Variants in NUBPL observed in about 807,000 individuals in gnomAD.
NUBPL encodes iron-sulfur cluster transfer protein NUBPL.
Under a neutral mutation model 45.7 loss-of-function variants are expected in NUBPL, and 31 were observed. The ratio of observed to expected loss-of-function variants is 0.68; its 90% CI spans 0.51 to 0.92. The LOEUF is 0.92. NUBPL is among the 40% of genes least tolerant of loss of function. The pLI, the probability that NUBPL is intolerant of heterozygous loss-of-function variation, is 0.00. For synonymous variants in NUBPL, 144 were observed against 140.9 expected, an observed-to-expected ratio of 1.02 and a Z score of -0.15; for missense variants, 401 against 398.7, an observed-to-expected ratio of 1.01 and a Z score of -0.05.
At chr14:31,821,244 A>G (rs1008404322) in intron 7 of NUBPL, among the ~76,000 whole-genome samples, 2 of 152,210 alleles carry the variant, frequency 1.3e-5, no homozygotes, top group Non-Finnish European at 2.9e-5. Flanking sequence ...CATCAAAGTG[A>G]AGAAACGACC....
chr14:31,698,651 C>T (rs1478948487), intron 6 of NUBPL, among the ~76,000 whole-genome samples: 5 of 152,046 alleles, frequency 3.3e-5, no homozygotes, highest in African/African-American at 4.8e-5. Context: ...GAAACCTGTC[C>T]TATAGATTCT....
intron 6 of NUBPL, among the ~76,000 whole-genome samples, chr14:31,687,507 C>T (rs773040471): frequency 2.0e-5 from 3 of 152,202 alleles, no homozygotes; most frequent in East Asian, 1.9e-4. Flanking sequence ...TGTAGTACTA[C>T]GTTATAACTG....
chr14:31,844,425 G>A (rs1338809317), intron 8 of NUBPL: 1 of 152,204 alleles, frequency 6.6e-6, no homozygotes, highest in Non-Finnish European at 1.5e-5. Context: ...CAAGCTGTGT[G>A]ACATTAAGCT....
At chr14:31,829,596 G>T (rs975365115) in intron 8 of NUBPL, among the ~76,000 whole-genome samples, 2 of 152,110 alleles carry the variant, frequency 1.3e-5, no homozygotes, top group African/African-American at 2.4e-5. Flanking sequence ...TACAAAAAAA[G>T]ATGTTATGCT....
In NUBPL at chr14:31,834,229, G is replaced by A. The variant is rs541253060; in HGVS notation, c.693+7515G>A. On this transcript the variant is annotated intron_variant, in intron 8 of 10. Transcript: ENST00000281081. ...CAGAGTCTTGCTCTGTCGCCAGGCT[G>A]GAGTGCAGTGGTGTAATCTTGGCTC... 9.8e-5 allele frequency among the ~76,000 whole-genome samples: 14 copies of A among 143,060 alleles called. No individual in the cohort carries two copies. The East Asian group carries it at 2.5e-3, about 25-fold the overall frequency. 93.9% of individuals were successfully genotyped at this position (143,060 alleles called of 152,430 possible).
At chr14:31,710,341 G>C (rs568124859) in intron 6 of NUBPL, among the ~76,000 whole-genome samples, 102 of 152,258 alleles carry the variant, frequency 6.7e-4, no homozygotes, top group African/African-American at 1.4e-3. Context: ...ACTCACCGAT[G>C]CAGCAGCAGA....
intron 6 of NUBPL, among the ~76,000 whole-genome samples, chr14:31,710,200 A>G (rs1004289375): frequency 2.6e-5 from 4 of 152,260 alleles, no homozygotes; most frequent in Admixed American, 6.5e-5. Flanking sequence ...ATGCATTTCA[A>G]GGGTGAGCCT....
chr14:31,766,992 TA>T (rs200669261), intron 6 of NUBPL, among the ~76,000 whole-genome samples: 1,725 of 147,022 alleles, frequency 0.012, 29 homozygotes, highest in East Asian at 0.056. Flanking sequence ...AATACATAAT[TA>T]AAAAAAAAAG....
chr14:31,736,416 T>C (rs1317002564), intron 6 of NUBPL, among the ~76,000 whole-genome samples: 1 of 152,200 alleles, frequency 6.6e-6, no homozygotes, highest in Non-Finnish European at 1.5e-5. Flanking sequence ...GTAACCAGTA[T>C]ATGACTTCTT....
intron 7 of NUBPL, among the ~76,000 whole-genome samples, chr14:31,790,799 C>T (rs2039367450): frequency 2.6e-5 from 4 of 151,760 alleles, no homozygotes; most frequent in Non-Finnish European, 1.5e-5. Context: ...TGCAGTGAGC[C>T]GAGATCGCGC....
chr14:31,609,069 T>C (rs1595363117), intron 4 of NUBPL, among the ~76,000 whole-genome samples: 1 of 152,044 alleles, frequency 6.6e-6, no homozygotes, highest in Non-Finnish European at 1.5e-5. Flanking sequence ...ATGGCAGGAA[T>C]AAGTCTTTAT....
intron 6 of NUBPL, among the ~76,000 whole-genome samples, chr14:31,731,822 C>G (rs1480185953): frequency 6.6e-6 from 1 of 152,106 alleles, no homozygotes; most frequent in Non-Finnish European, 1.5e-5. Context: ...CTCTGAAACT[C>G]TCAACTTGGT....
At chr14:31,590,566 A>G (rs2034116092) in intron 3 of NUBPL, among the ~76,000 whole-genome samples, 1 of 152,360 alleles carries the variant, frequency 6.6e-6, no homozygotes, top group East Asian at 1.9e-4. Flanking sequence ...TCTCAGAATT[A>G]TAAATACTCT....
chr14:31,699,171 T>A (rs2037279782), intron 6 of NUBPL, among the ~76,000 whole-genome samples: 1 of 152,198 alleles, frequency 6.6e-6, no homozygotes, highest in Non-Finnish European at 1.5e-5. Context: ...GACTTAAATA[T>A]CTTTTAAAAA....
chr14:31,602,904 C>T (rs1294071435), intron 4 of NUBPL, among the ~76,000 whole-genome samples: 1 of 152,096 alleles, frequency 6.6e-6, no homozygotes, highest in Non-Finnish European at 1.5e-5. Flanking sequence ...TCCCTAGCCT[C>T]TTTACTAGAA....
chr14:31,757,688 A>G (rs954789751), intron 6 of NUBPL, among the ~76,000 whole-genome samples: 1 of 152,294 alleles, frequency 6.6e-6, no homozygotes, highest in South Asian at 2.1e-4. Flanking sequence ...GATAAATAGT[A>G]CATGAGGGTT....
At chr14:31,742,243 C>CAT (rs1334565374) in intron 6 of NUBPL, among the ~76,000 whole-genome samples, 1 of 121,594 alleles carries the variant, frequency 8.2e-6, no homozygotes, top group African/African-American at 3.8e-5. Flanking sequence ...TGTGTACACA[C>CAT]ACACACACAC....
At chr14:31,637,642 T>C (rs1297486424) in intron 4 of NUBPL, among the ~76,000 whole-genome samples, 2 of 152,176 alleles carry the variant, frequency 1.3e-5, no homozygotes, top group Non-Finnish European at 1.5e-5. Flanking sequence ...CCTGGGTATC[T>C]TTGTTAACTT....
chr14:31,770,790 C>T (rs1291454762), intron 6 of NUBPL, among the ~76,000 whole-genome samples: 1 of 152,140 alleles, frequency 6.6e-6, no homozygotes, highest in East Asian at 1.9e-4. Flanking sequence ...AGGTTAAAGG[C>T]AAGATAGAAT....
Sources: allele counts gnomAD v4.1 joint callset (sites outside exome capture counted in the v4.1 genomes callset), GRCh38; gene constraint gnomAD v4.1.1; transcripts MANE v1.5; gene names NCBI Gene and HGNC (gene_info 2026-07-23, HGNC 2026-07-21).